ABCC4: variants seen among roughly 807,000 people sequenced by gnomAD.
ABCC4 encodes ATP binding cassette subfamily C member 4 (PEL blood group), also known as ATP-binding cassette sub-family C member 4.
In ABCC4, 102 loss-of-function variants were observed where a neutral mutation model predicts 168.5. That is an observed-to-expected ratio of 0.61 (90% CI 0.52 to 0.71). The LOEUF is 0.71. ABCC4 is among the 30% of genes least tolerant of loss of function. The pLI, the probability that ABCC4 is intolerant of heterozygous loss-of-function variation, is 0.00. For synonymous variants in ABCC4, 617 were observed against 590.7 expected, an observed-to-expected ratio of 1.04 and a Z score of -0.65; for missense variants, 1,402 against 1,605.8, an observed-to-expected ratio of 0.87 and a Z score of 2.17.
At chr13:95,197,267 A>G (rs951922291) in intron 8 of ABCC4, among the ~76,000 whole-genome samples, 8 of 152,230 alleles carry the variant, frequency 5.3e-5, no homozygotes, top group Non-Finnish European at 1.2e-4. Context: ...TTAGCACAGC[A>G]ACAAGCAAAA....
chr13:95,227,483 C>A (rs1237899318), intron 4 of ABCC4, among the ~76,000 whole-genome samples: 1 of 152,238 alleles, frequency 6.6e-6, no homozygotes, highest in African/African-American at 2.4e-5. Flanking sequence ...CTAATTTTGT[C>A]AGAAACTTAG....
intron 16 of ABCC4, among the ~76,000 whole-genome samples, chr13:95,164,054 A>AAAAAAAAAAAGAAAG (rs59935866): frequency 1.4e-5 from 2 of 139,034 alleles, no homozygotes; most frequent in Non-Finnish European, 3.0e-5. Flanking sequence ...AAAAAAAAAA[A>AAAAAAAAAAAGAAAG]AAAGAAAGAA....
chr13:95,165,560 C>T (rs1032044921), intron 15 of ABCC4, among the ~76,000 whole-genome samples: 1 of 152,220 alleles, frequency 6.6e-6, no homozygotes, highest in African/African-American at 2.4e-5. Flanking sequence ...CCACTGGGAA[C>T]ACCAAGGTGA....
rs1156394678 is a variant in ABCC4 at position 95,218,905 on chromosome 13, AAG to A, written c.532-8126_532-8125del. 7.5e-4 allele frequency among the ~76,000 whole-genome samples: 33 copies of A among 44,180 alleles called. 3 individuals are homozygous for A. Among genetic ancestry groups the A allele is most frequent in the Non-Finnish European group, 1.6e-3 (32 of 19,866 alleles). The allele number at this position is 44,180 out of a possible 152,430, so 29.0% of individuals were successfully genotyped here. A position where few individuals can be genotyped will look rare whatever the true frequency, so the allele number is the denominator to read the frequency against. Reference sequence around the variant, plus strand: ...GAGACAGACAGATGAGAGAGAGAGAAAGAGAGAGAGAGAGAAAGAAAGAGAAA... The same window carrying A: ...GAGACAGACAGATGAGAGAGAGAGAAAGAGAGAGAGAGAAAGAAAGAGAAA... On this transcript the variant is annotated intron_variant, in intron 4 of 30. Transcript: ENST00000645237.
intron 1 of ABCC4, among the ~76,000 whole-genome samples, chr13:95,256,855 C>G (rs1419086300): frequency 6.6e-6 from 1 of 152,218 alleles, no homozygotes; most frequent in African/African-American, 2.4e-5. Context: ...AACTTCATCT[C>G]TCATAAGAGA....
At chr13:95,076,284 C>T (rs972581710) in intron 21 of ABCC4, among the ~76,000 whole-genome samples, 2 of 152,150 alleles carry the variant, frequency 1.3e-5, no homozygotes, top group African/African-American at 4.8e-5. Flanking sequence ...TTATGACTGC[C>T]CCACTGCAAA....
chr13:95,274,118 A>AG (rs1246701986), intron 1 of ABCC4, among the ~76,000 whole-genome samples: 4 of 152,198 alleles, frequency 2.6e-5, no homozygotes, highest in African/African-American at 2.4e-5. Context: ...GCGTGAAAAC[A>AG]GACTCATACA....
intron 27 of ABCC4, among the ~76,000 whole-genome samples, chr13:95,050,037 G>C (rs1234360950): frequency 1.3e-5 from 2 of 152,168 alleles, no homozygotes; most frequent in African/African-American, 4.8e-5. Flanking sequence ...ATCCAGTTCT[G>C]AACTGGATAT....
intron 30 of ABCC4, among the ~76,000 whole-genome samples, chr13:95,029,039 G>C (rs1176976521): frequency 6.6e-6 from 1 of 151,322 alleles, no homozygotes; most frequent in Non-Finnish European, 1.5e-5. Flanking sequence ...ATGGTGGTGG[G>C]CGCCTGTAAT....
chr13:95,227,534 T>A (rs1161435573), intron 4 of ABCC4, among the ~76,000 whole-genome samples: 1 of 152,168 alleles, frequency 6.6e-6, no homozygotes, highest in Non-Finnish European at 1.5e-5. Flanking sequence ...AAGTATCACA[T>A]GTGTCCAGGG....
chr13:95,208,282 T>C (rs375114942), intron 6 of ABCC4, among the ~76,000 whole-genome samples: 4 of 139,646 alleles, frequency 2.9e-5, no homozygotes, highest in East Asian at 2.1e-4. Context: ...AATGAAGTGC[T>C]GGGGAGCAGA....
intron 1 of ABCC4, among the ~76,000 whole-genome samples, chr13:95,292,517 C>T (rs1368888149): frequency 6.6e-6 from 1 of 152,188 alleles, no homozygotes; most frequent in Admixed American, 6.6e-5. Context: ...GCTTGATTCA[C>T]AGATCATTCT....
Position 95,163,568 on chromosome 13 carries a change from T to C in ABCC4, c.2213+42A>G, listed in dbSNP as rs575846910. On this transcript the variant is annotated intron_variant, in intron 17 of 30. Coordinates refer to ENST00000645237, the MANE Select transcript of ABCC4 (RefSeq NM_005845.5). ...TCTATGGAAAAGCGAGTCTTCTTACTGATTTTGGAGTATTTCATACATCAG... is the reference window on the plus strand; with the variant it reads ...TCTATGGAAAAGCGAGTCTTCTTACCGATTTTGGAGTATTTCATACATCAG... 331 of 1,559,960 alleles carry C rather than the reference T, an allele frequency of 2.1e-4. 6 individuals are homozygous for C. The South Asian group carries it at 3.6e-3, about 17-fold the overall frequency.
chr13:95,177,967 C>T (rs111870162), intron 12 of ABCC4, 30 bp downstream of exon 12: 112 of 1,607,954 alleles, frequency 7.0e-5, no homozygotes, highest in African/African-American at 1.3e-4. Flanking sequence ...CAAAAGACAC[C>T]GGCATAGTGG....
At chr13:95,256,096 GA>G (rs1207105871) in intron 1 of ABCC4, among the ~76,000 whole-genome samples, 2 of 152,112 alleles carry the variant, frequency 1.3e-5, no homozygotes, top group Non-Finnish European at 2.9e-5. Flanking sequence ...ATGTGAGTAA[GA>G]TTTTTTTTTA....
intron 20 of ABCC4, among the ~76,000 whole-genome samples, chr13:95,107,357 A>G (rs2035044486): frequency 6.6e-6 from 1 of 152,220 alleles, no homozygotes; most frequent in South Asian, 2.1e-4. Context: ...TCACAAAAAT[A>G]TTTATGCTGT....
chr13:95,273,810 T>C (rs2040901667), intron 1 of ABCC4, among the ~76,000 whole-genome samples: 1 of 122,286 alleles, frequency 8.2e-6, no homozygotes, highest in Non-Finnish European at 1.7e-5. Context: ...GTTTTTTTTT[T>C]GGTTTGTTTT....
Position 95,207,808 on chromosome 13 carries a change from A to G in ABCC4, c.903T>C (p.Asn301=). Residue 301 remains asparagine, a synonymous_variant, in exon 7 of 31, where the codon AAT becomes AAC. Transcript: ENST00000645237. ...WEKSFSNLIT[N]LRKKEISKIL... ...TGTATACAAAAACTTACTTTCTCAA[A>G]TTGGTAATAAGATTTGAAAATGACT... is the stretch of plus-strand genomic sequence containing the variant. 1 of 1,611,396 alleles carries G rather than the reference A, an allele frequency of 6.2e-7. No homozygotes were observed. The highest frequency in any genetic ancestry group is 1.1e-5 in the South Asian group (1 of 90,440).
chr13:95,209,333 G>T, intron 6 of ABCC4, 101 bp downstream of exon 6: 1 of 1,347,532 alleles, frequency 7.4e-7, no homozygotes, highest in East Asian at 2.4e-5. Context: ...GCAAGGAAGA[G>T]ATAATAAAAG....
Sources: gnomAD v4.1 joint callset for allele counts (sites outside exome capture counted in the v4.1 genomes callset) on GRCh38, gnomAD v4.1.1 for gene constraint, MANE v1.5 for transcripts, NCBI Gene and HGNC (gene_info 2026-07-23, HGNC 2026-07-21) for gene names.